Variants in PLEC observed in about 807,000 individuals in gnomAD.
PLEC encodes the protein hemidesmosomal protein 1.
PLEC carries 216 observed loss-of-function variants against 392.8 expected under a neutral mutation model. The ratio of observed to expected loss-of-function variants is 0.55; its 90% CI spans 0.49 to 0.62. The LOEUF is 0.62. Ranked by LOEUF, PLEC falls within the 20% of genes least tolerant of loss-of-function variation. The pLI, the probability that PLEC is intolerant of heterozygous loss-of-function variation, is 0.00. For synonymous variants in PLEC, 3,621 were observed against 2,980.6 expected (o/e 1.21, Z -7.00); for missense variants, 6,863 against 6,563.4 (o/e 1.05, Z -1.58).
Position 143,927,777 on chromosome 8 carries a change from C to T in PLEC, c.3400-11G>A, listed in dbSNP as rs1006991858. 3.1e-6 allele frequency: 5 copies of T among 1,599,438 alleles called. No homozygotes were observed. The highest frequency in any genetic ancestry group is 2.3e-5 in the East Asian group (1 of 44,012). On this transcript the variant is annotated splice_polypyrimidine_tract_variant and intron_variant, in intron 26 of 31. Transcript: ENST00000345136. ...CTGGGCCCGCAGCTTCTGTTGGGGA[C>T]AGGAGGGACATGTGCGGCTTCAGCT... is the stretch of plus-strand genomic sequence containing the variant.
At position 143,920,836 on chromosome 8, in the gene PLEC, C is replaced by T. The variant is rs1822382814; in HGVS notation, c.8985G>A (p.Glu2995=). 4 of 1,608,780 alleles carry T rather than the reference C, an allele frequency of 2.5e-6. No homozygotes were observed. Among genetic ancestry groups the T allele is most frequent in the Non-Finnish European group, 3.4e-6 (4 of 1,179,940 alleles). ...ELLESRVIDR[E]LYQQLQRGER... is the part of the protein sequence containing the mutation. ...CACCTCGCTGCAGCTGCTGGTAGAG[C>T]TCGCGGTCGATGACCCTGCTCTCCA... Residue 2995 remains glutamate, a synonymous_variant, in exon 32 of 32, where the codon GAG becomes GAA. Transcript: ENST00000345136.
rs1554691960 is a variant in PLEC, at chr8:143,923,339, T to G, written c.6590A>C (p.Glu2197Ala). Residue 2197 changes from glutamate to alanine, a missense_variant, in exon 31 of 32, where the codon GAG becomes GCG. Physicochemically the swap from Glu to Ala is moderately radical, Grantham distance 107. Transcript: ENST00000345136. ...CAGCAGGTTCTTCTGGTGGTCGGTC[T>G]CCTCCAGCTGCAGCCGCAGTGTTGT... ...ELTTLRLQLE[E>A]TDHQKNLLDE... 1 of 1,610,324 alleles carries G rather than the reference T, an allele frequency of 6.2e-7. No individual in the cohort carries two copies. The highest frequency in any genetic ancestry group is 2.2e-5 in the East Asian group (1 of 44,792).
intron 1 of PLEC, chr8:143,946,690 G>A (rs1286088214): frequency 2.5e-5 from 3 of 120,922 alleles, no homozygotes; most frequent in South Asian, 9.7e-5. Flanking sequence ...CAGACCCCCC[G>A]CCCAGCAGAC....
rs782682738 is a variant in PLEC, at chr8:143,919,692, G to A, written c.10129C>T (p.Arg3377Trp). 53 of 1,602,494 alleles carry A rather than the reference G, an allele frequency of 3.3e-5. No homozygotes were observed. Among genetic ancestry groups the A allele is most frequent in the Non-Finnish European group, 4.1e-5 (48 of 1,175,584 alleles). The change falls in exon 32 of 32, where the codon CGG becomes TGG. Residue 3377 changes from arginine (R) to tryptophan (W), a missense_variant. Arg to Trp is a moderately radical substitution (Grantham distance 101, BLOSUM62 -3). Coordinates refer to ENST00000345136, the MANE Select transcript of PLEC (RefSeq NM_201384.3). ...EKVSIYEAMRRGLLRATTAAL... is the reference protein window; with the variant it reads ...EKVSIYEAMRWGLLRATTAAL... ...GCCGTTGTGGCTCTCAGCAGGCCCC[G>A]GCGCATGGCCTCGTAGATGGACACC...
At chr8:143,939,747 C>T (rs886924935), upstream of PLEC, among the ~76,000 whole-genome samples, 7 of 152,298 alleles carry the variant, frequency 4.6e-5, no homozygotes, top group Admixed American at 2.0e-4. Flanking sequence ...GCCCTCGGCC[C>T]GCCAGAAACA....
rs1156240011 is a variant in PLEC, at chr8:143,922,894, C to T, written c.7035G>A (p.Arg2345=). The change falls in exon 31 of 32, where the codon CGG becomes CGA. Residue 2345 remains arginine, a synonymous_variant. Transcript: ENST00000345136. ...CCATCTGCTCCTTGTCCTCCTGCAG[C>T]CGCCGCGCCTGCTCCTGCGCAAGCT... The part of the protein sequence containing the change: ...QKELAQEQAR[R]LQEDKEQMAQ... The T allele has an allele frequency of 1.9e-6, 3 of 1,585,140 alleles. No individual in the cohort carries two copies. The highest frequency in any genetic ancestry group is 2.6e-6 in the Non-Finnish European group (3 of 1,166,462).
At position 143,918,370 on chromosome 8, in the gene PLEC, G is replaced by A. The variant is rs1821293360; in HGVS notation, c.11451C>T (p.His3817=). 8.9e-6 allele frequency: 14 copies of A among 1,571,298 alleles called. No individual in the cohort carries two copies. Among genetic ancestry groups the A allele is most frequent in the Non-Finnish European group, 1.2e-5 (14 of 1,164,830 alleles). ...GGIVDPRLGF[H]LPLEVAYQRG... ...GCTGGTAAGCCACCTCCAGGGGAAG[G>A]TGGAAGCCCAGGCGGGGGTCCACGA... The change falls in exon 32 of 32, where the codon CAC becomes CAT. Residue 3817 remains histidine, a synonymous_variant. Coordinates refer to ENST00000345136, the MANE Select transcript of PLEC (RefSeq NM_201384.3).
intron 1 of PLEC, chr8:143,944,636 C>A: frequency 7.5e-7 from 1 of 1,340,656 alleles, no homozygotes; most frequent in Non-Finnish European, 9.7e-7. Context: ...CTTTCAAGGG[C>A]TGCCCACCTA....
rs1413293602 is a variant in PLEC, at chr8:143,922,645, C to T, written c.7284G>A (p.Val2428=). ...GGATCTCCAGTGTCTGCACCAGGGT[C>T]ACCTTCTCCTGGGTGGCGAGCTCCG... ...HRTELATQEK[V]TLVQTLEIQR... Residue 2428 remains valine (V), a synonymous_variant, in exon 31 of 32, where the codon GTG becomes GTA. Coordinates refer to ENST00000345136, the MANE Select transcript of PLEC (RefSeq NM_201384.3). 3 of 1,613,466 alleles carry T rather than the reference C, an allele frequency of 1.9e-6. No homozygotes were observed. In the African/African-American group the frequency reaches 4.0e-5, roughly 22 times the overall value.
In PLEC at chr8:143,938,187, G is replaced by A; in HGVS notation, c.228C>T (p.Leu76=). 1 of 1,609,064 alleles carries A rather than the reference G, an allele frequency of 6.2e-7. No individual in the cohort carries two copies. Among genetic ancestry groups the A allele is most frequent in the East Asian group, 2.2e-5 (1 of 44,794 alleles). The change falls in exon 3 of 32, where the codon CTC becomes CTT. Residue 76 remains leucine, a synonymous_variant. Transcript: ENST00000345136. ...LYEDLRDGHN[L]ISLLEVLSGD... Reference sequence around the variant, plus strand: ...CCGAGAGGACCTCCAGCAGGGAGATGAGGTTGTGGCCATCGCGGAGGTCTT... The same window carrying A: ...CCGAGAGGACCTCCAGCAGGGAGATAAGGTTGTGGCCATCGCGGAGGTCTT...
intron 1 of PLEC, among the ~76,000 whole-genome samples, chr8:143,967,243 G>A (rs1461655109): frequency 1.3e-5 from 2 of 151,496 alleles, no homozygotes; most frequent in Non-Finnish European, 2.9e-5. Flanking sequence ...GGCGCCTGTA[G>A]TCCCAGCTAC....
In PLEC at chr8:143,918,833, T is replaced by C; in HGVS notation, c.10988A>G (p.Tyr3663Cys). ...CCTGGTGCCCTCCCGGAGCAGGTTG[T>C]AGGTCTCGAGAGAGATGATCCGAGC... ...FEARIISLET[Y>C]NLLREGTRSL... Residue 3663 changes from tyrosine to cysteine, a missense_variant, in exon 32 of 32, where the codon TAC (tyrosine) becomes TGC (cysteine). By Grantham distance (194) the Tyr-to-Cys change is radical (BLOSUM62 -2). Coordinates refer to ENST00000345136, the MANE Select transcript of PLEC (RefSeq NM_201384.3). 1 of 1,613,132 alleles carries C rather than the reference T, an allele frequency of 6.2e-7. No homozygotes were observed.
At position 143,922,155 on chromosome 8, in the gene PLEC, G is replaced by C. The variant is rs781882121; in HGVS notation, c.7666C>G (p.Arg2556Gly). 1.3e-6 allele frequency: 2 copies of C among 1,540,300 alleles called. No homozygotes were observed. Among genetic ancestry groups the C allele is most frequent in the Non-Finnish European group, 1.7e-6 (2 of 1,148,274 alleles). The stretch of plus-strand genomic sequence containing the variant: ...TCCTCGGCCTCATGCTGCCGCCGCC[G>C]CGCCTCCTCCATGCTGGCCACCAGC... ...QRLVASMEEA[R>G]RRQHEAEEGV... The change falls in exon 32 of 32, where the codon CGG becomes GGG. Residue 2556 changes from arginine (R) to glycine (G), a missense_variant. Arg to Gly is a moderately radical substitution (Grantham distance 125). Transcript: ENST00000345136.
upstream of PLEC, chr8:143,942,444 C>G (rs1830668970): frequency 1.2e-6 from 2 of 1,603,328 alleles, no homozygotes; most frequent in African/African-American, 2.7e-5. Context: ...GCTCGCAGCC[C>G]CCGTCCAGCC....
At chr8:143,962,397 C>G (rs782607756) in intron 1 of PLEC, among the ~76,000 whole-genome samples, 22 of 152,324 alleles carry the variant, frequency 1.4e-4, no homozygotes, top group Non-Finnish European at 3.1e-4. Flanking sequence ...CCGGAACAAT[C>G]AAAAGATAAA....
At chr8:143,925,907 A>G (rs2131522768) in intron 30 of PLEC, 23 bp from the exon 31 acceptor site, 1 of 1,536,310 alleles carries the variant, frequency 6.5e-7, no homozygotes, top group Non-Finnish European at 8.7e-7. Context: ...CAGAGAGAAG[A>G]AGAGAAGCAG....
intron 1 of PLEC, among the ~76,000 whole-genome samples, chr8:143,959,462 G>A (rs1025136625): frequency 2.6e-5 from 4 of 152,388 alleles, no homozygotes; most frequent in South Asian, 2.1e-4. Context: ...CTCGGGGTCC[G>A]GGATGCAGAG....
rs192022872 is a variant in PLEC, at chr8:143,924,780, G to A, written c.5149C>T (p.Arg1717Trp). The A allele has an allele frequency of 1.9e-4, 288 of 1,535,532 alleles. 1 individual carries two copies. The highest frequency in any genetic ancestry group is 4.3e-4 in the South Asian group (36 of 84,126). Residue 1717 changes from arginine (R) to tryptophan (W), a missense_variant, in exon 31 of 32, where the codon CGG becomes TGG. By Grantham distance (101) the Arg-to-Trp change is moderately radical. Transcript: ENST00000345136. ...QRLAAEQELI[R>W]LRAETEQGEQ... ...CCCTGCTCCGTCTCGGCCCGCAGCC[G>A]GATCAACTCCTGCTCCGCGGCCAGG...
At chr8:143,945,234 G>A (rs782675850) in intron 1 of PLEC, 10 of 488,782 alleles carry the variant, frequency 2.0e-5, no homozygotes, top group African/African-American at 6.1e-5. Context: ...CAGGCAGCCC[G>A]AAACCAGGGC....
Sources: gnomAD v4.1 joint callset for allele counts (sites outside exome capture counted in the v4.1 genomes callset) on GRCh38, gnomAD v4.1.1 for gene constraint, MANE v1.5 for transcripts, NCBI Gene and HGNC (gene_info 2026-07-23, HGNC 2026-07-21) for gene names.